PIK3C2G: variants seen among roughly 807,000 people sequenced by gnomAD.
The protein encoded by PIK3C2G is phosphatidylinositol-4-phosphate 3-kinase catalytic subunit type 2 gamma.
Under a neutral mutation model 181.1 loss-of-function variants are expected in PIK3C2G, and 168 were observed. The ratio of observed to expected loss-of-function variants is 0.93; its 90% CI spans 0.82 to 1.05. PIK3C2G has a LOEUF of 1.05. Among genes scored for constraint, PIK3C2G ranks in the 50% least tolerant of loss-of-function variants. The pLI, the probability that PIK3C2G is intolerant of heterozygous loss-of-function variation, is 0.00. For missense variants in PIK3C2G, 1,869 were observed against 1,732.8 expected (o/e 1.08, Z -1.40); for synonymous variants, 573 against 592.2 (o/e 0.97, Z 0.47).
At chr12:18,296,067 T>C (rs1949926328) in intron 5 of PIK3C2G, among the ~76,000 whole-genome samples, 1 of 152,140 alleles carries the variant, frequency 6.6e-6, no homozygotes, top group Non-Finnish European at 1.5e-5. Flanking sequence ...AAATGCTAAT[T>C]TTCTGATAAT....
chr12:18,627,244 C>A (rs186539120), intron 31 of PIK3C2G, among the ~76,000 whole-genome samples: 40 of 152,046 alleles, frequency 2.6e-4, no homozygotes, highest in African/African-American at 5.8e-4. Context: ...ATTTCTATTT[C>A]TTTCTCAAAC....
chr12:18,410,334 G>C (rs1238957168), intron 16 of PIK3C2G, among the ~76,000 whole-genome samples: 1 of 151,972 alleles, frequency 6.6e-6, no homozygotes, highest in East Asian at 2.0e-4. Context: ...GTGAAACCCT[G>C]TCTCTACTGA....
chr12:18,568,148 GC>G (rs1385673042), intron 29 of PIK3C2G, among the ~76,000 whole-genome samples: 1 of 152,074 alleles, frequency 6.6e-6, no homozygotes, highest in Non-Finnish European at 1.5e-5. Context: ...AGTCTCTTTT[GC>G]CATGTAAGGT....
intron 5 of PIK3C2G, among the ~76,000 whole-genome samples, chr12:18,308,501 T>TAAA (rs58763741): frequency 9.3e-4 from 138 of 148,824 alleles, no homozygotes; most frequent in South Asian, 1.7e-3. Flanking sequence ...TAAAATATAG[T>TAAA]AAAAAAAAAA....
the PIK3C2G span, chr12:18,705,097 G>A: frequency 3.2e-6 from 5 of 1,563,764 alleles, no homozygotes; most frequent in Non-Finnish European, 4.4e-6. Context: ...AGTTTCACAG[G>A]CCAATATAAC....
rs900708004 is a variant in PIK3C2G, at chr12:18,351,985, T to C, written c.1625+5149T>C. Reference sequence around the variant, plus strand: ...GTTTGTGCAAGTACACTCTGGGATGTTCGCATAACAATAAAATCACCTAAT... The same window carrying C: ...GTTTGTGCAAGTACACTCTGGGATGCTCGCATAACAATAAAATCACCTAAT... On this transcript the variant is annotated intron_variant, in intron 11 of 32. Transcript: ENST00000538779. 3.3e-5 allele frequency among the ~76,000 whole-genome samples: 5 copies of C among 152,274 alleles called. No homozygotes were observed. The East Asian group carries it at 9.7e-4, about 29-fold the overall frequency.
At chr12:18,719,150 G>T in the PIK3C2G span, among the ~76,000 whole-genome samples, 1 of 152,124 alleles carries the variant, frequency 6.6e-6, no homozygotes, top group African/African-American at 2.4e-5. Context: ...AAGTGTCTAG[G>T]TTATTCAGCA....
intron 16 of PIK3C2G, among the ~76,000 whole-genome samples, chr12:18,401,665 T>C (rs551683773): frequency 3.9e-4 from 60 of 152,008 alleles, no homozygotes; most frequent in Non-Finnish European, 7.5e-4. Flanking sequence ...AACTCAACAA[T>C]AGAAAGATAA....
chr12:18,716,281 A>C, the PIK3C2G span, among the ~76,000 whole-genome samples: 2 of 152,082 alleles, frequency 1.3e-5, no homozygotes, highest in Non-Finnish European at 2.9e-5. Flanking sequence ...TATATTGTGA[A>C]AGAAAACTTT....
chr12:18,467,330 C>A (rs1236885959), intron 18 of PIK3C2G, among the ~76,000 whole-genome samples: 2 of 151,946 alleles, frequency 1.3e-5, no homozygotes, highest in African/African-American at 4.8e-5. Flanking sequence ...ACCCAACACA[C>A]AAAATGTTAA....
chr12:18,619,753 T>C (rs1332263689), intron 31 of PIK3C2G, among the ~76,000 whole-genome samples: 1 of 151,650 alleles, frequency 6.6e-6, no homozygotes, highest in Admixed American at 6.6e-5. Flanking sequence ...TTTTTTTTTT[T>C]TTTTTTGAGA....
In PIK3C2G at chr12:18,321,007, T is replaced by G. The variant is rs199906143; in HGVS notation, c.1183T>G (p.Phe395Val). The G allele has an allele frequency of 6.4e-7, 1 of 1,560,106 alleles. No homozygotes were observed. The highest frequency in any genetic ancestry group is 8.8e-7 in the Non-Finnish European group (1 of 1,135,712). Reference protein sequence around the residue: ...SQFYLNQLLEFMHIWKVSRQC... With the variant: ...SQFYLNQLLEVMHIWKVSRQC... Reference sequence around the variant, plus strand: ...GTTTTATCTGAATCAACTTCTAGAATTTATGCATATTTGGAAAGTATCCAG... The same window carrying G: ...GTTTTATCTGAATCAACTTCTAGAAGTTATGCATATTTGGAAAGTATCCAG... Residue 395 changes from phenylalanine (F) to valine (V), a missense_variant, in exon 7 of 33, where the codon TTT (phenylalanine) becomes GTT (valine). Phe to Val is a conservative substitution (Grantham distance 50). Transcript: ENST00000538779.
intron 18 of PIK3C2G, among the ~76,000 whole-genome samples, chr12:18,428,243 G>A (rs1168746742): frequency 6.7e-6 from 1 of 150,374 alleles, no homozygotes; most frequent in Non-Finnish European, 1.5e-5. Flanking sequence ...TGTGCAAAAT[G>A]TTTGTGTTAA....
At chr12:18,693,266 G>A in the PIK3C2G span, 1 of 1,524,442 alleles carries the variant, frequency 6.6e-7, no homozygotes, top group South Asian at 1.1e-5. Context: ...TAGGGGTGCT[G>A]ATGGATGACA....
intron 11 of PIK3C2G, among the ~76,000 whole-genome samples, chr12:18,350,184 C>T (rs1011131429): frequency 1.3e-5 from 2 of 151,966 alleles, no homozygotes; most frequent in Non-Finnish European, 2.9e-5. Context: ...CAATTAGTGG[C>T]AGTGTAAGAG....
chr12:18,488,697 A>G (rs1940284222), intron 19 of PIK3C2G, 68 bp downstream of exon 19: 1 of 991,616 alleles, frequency 1.0e-6, no homozygotes, highest in South Asian at 3.1e-5. Flanking sequence ...TTTTAATTTC[A>G]TTGTTTGCAA....
chr12:18,338,791 A>AT (rs1420589569), intron 9 of PIK3C2G, among the ~76,000 whole-genome samples: 1 of 151,832 alleles, frequency 6.6e-6, no homozygotes, highest in African/African-American at 2.4e-5. Context: ...TGATTAAACT[A>AT]TAAGAACACT....
intron 18 of PIK3C2G, among the ~76,000 whole-genome samples, chr12:18,466,552 T>C (rs1937903956): frequency 6.6e-6 from 1 of 151,948 alleles, no homozygotes; most frequent in Non-Finnish European, 1.5e-5. Flanking sequence ...ATTCATATAA[T>C]TGCTTTACAT....
intron 18 of PIK3C2G, among the ~76,000 whole-genome samples, chr12:18,458,737 G>A (rs757199170): frequency 1.3e-5 from 2 of 151,694 alleles, no homozygotes; most frequent in Non-Finnish European, 2.9e-5. Context: ...CAAAGTGCAA[G>A]CAGAATTTAA....
Sources: gnomAD v4.1 joint callset for allele counts (sites outside exome capture counted in the v4.1 genomes callset) on GRCh38, gnomAD v4.1.1 for gene constraint, MANE v1.5 for transcripts, NCBI Gene and HGNC (gene_info 2026-07-23, HGNC 2026-07-21) for gene names.